Variants in KMT5B observed in about 807,000 individuals in gnomAD.
KMT5B encodes the protein lysine methyltransferase 5B, also known as histone-lysine N-methyltransferase KMT5B.
A neutral mutation model predicts 83.2 loss-of-function variants in KMT5B; 10 were observed. That is an observed-to-expected ratio of 0.12 (90% CI 0.07 to 0.20). The LOEUF is 0.20. Ranked by LOEUF, KMT5B falls within the 10% of genes least tolerant of loss-of-function variation. The pLI is 1.00. For missense variants in KMT5B, 753 were observed against 1,067.2 expected (o/e 0.71, Z 4.10); for synonymous variants, 349 against 388.8 (o/e 0.90, Z 1.20).
chr11:68,163,138 T>C (rs1855002259), intron 10 of KMT5B, among the ~76,000 whole-genome samples: 1 of 152,222 alleles, frequency 6.6e-6, no homozygotes, highest in South Asian at 2.1e-4. Context: ...CGTATGACTC[T>C]TCCCCTAGGG....
Position 68,157,640 on chromosome 11 carries a change from T to G in KMT5B, c.*48A>C. On this transcript the variant is annotated 3_prime_UTR_variant, in exon 11 of 11. Transcript: ENST00000304363. ...AGTTGAGGAATAATTGACTGGAATT[T>G]TTTATTTCTTTAAAGTAGTTATCCC... The G allele has an allele frequency of 2.0e-6, 3 of 1,492,746 alleles. No individual in the cohort carries two copies. Among genetic ancestry groups the G allele is most frequent in the Non-Finnish European group, 2.7e-6 (3 of 1,125,206 alleles). The allele number at this position is 1,492,746 out of a possible 1,614,324, so 92.5% of individuals were successfully genotyped here. A position where few individuals can be genotyped will look rare whatever the true frequency, so the allele number is the denominator to read the frequency against.
At position 68,156,547 on chromosome 11, in the gene KMT5B, A is replaced by T. The variant is rs1046832312; in HGVS notation, c.*1141T>A. 6.6e-6 allele frequency: 1 copy of T among 152,642 alleles called. No individual in the cohort carries two copies. The allele number at this position is 152,642 out of a possible 1,614,324, so 9.5% of individuals were successfully genotyped here. A position where few individuals can be genotyped will look rare whatever the true frequency, so the allele number is the denominator to read the frequency against. ...CCACTGATGCAGTGCTTAAAACTAT[A>T]TATTTATAATTTCCTATTTTATTGG... On this transcript the variant is annotated 3_prime_UTR_variant, in exon 11 of 11. Transcript: ENST00000304363.
chr11:68,159,822 G>C (rs1340280006), intron 10 of KMT5B, among the ~76,000 whole-genome samples: 1 of 152,240 alleles, frequency 6.6e-6, no homozygotes, highest in Non-Finnish European at 1.5e-5. Context: ...CAACCAGTGG[G>C]CTGTCAACTT....
chr11:68,159,021 T>A lies in KMT5B; in HGVS notation c.1325A>T (p.Lys442Met). The change falls in exon 11 of 11, where the codon AAG becomes ATG. Residue 442 changes from lysine (K) to methionine (M), a missense_variant. By Grantham distance (95) the Lys-to-Met change is moderately conservative. This residue lies in a region of KMT5B where 397 missense variants were observed against 395.9 expected (regional missense o/e 1.00). Coordinates refer to ENST00000304363, the MANE Select transcript of KMT5B (RefSeq NM_017635.5). Reference sequence around the variant, plus strand: ...TGAAAGTAAAGGCTTTGCAGGCTTCTTCAGTTTCTTTGGTACCCTGGAATT... The same window carrying A: ...TGAAAGTAAAGGCTTTGCAGGCTTCATCAGTTTCTTTGGTACCCTGGAATT... ...INNSRVPKKLKKPAKPLLSKI... is the reference protein window; with the variant it reads ...INNSRVPKKLMKPAKPLLSKI... 1 of 1,612,852 alleles carries A rather than the reference T, an allele frequency of 6.2e-7. No homozygotes were observed.
chr11:68,167,290 C>A, intron 9 of KMT5B, 112 bp from the exon 10 acceptor site: 3 of 1,316,732 alleles, frequency 2.3e-6, no homozygotes, highest in East Asian at 2.5e-5. Flanking sequence ...CTGCTGAGGC[C>A]TTAATCACCA....
At chr11:68,202,167 T>C (rs891415520) in intron 1 of KMT5B, among the ~76,000 whole-genome samples, 1 of 152,182 alleles carries the variant, frequency 6.6e-6, no homozygotes, top group Admixed American at 6.6e-5. Flanking sequence ...TAGTTATAAT[T>C]TGGTAAGAAA....
intron 3 of KMT5B, among the ~76,000 whole-genome samples, 180 bp downstream of exon 3, chr11:68,185,601 C>T (rs536780043): frequency 6.6e-6 from 1 of 152,238 alleles, no homozygotes; most frequent in Non-Finnish European, 1.5e-5. Context: ...AGAGTTAGAA[C>T]TGACAAGATT....
chr11:68,166,055 C>T, intron 10 of KMT5B: 1 of 1,567,666 alleles, frequency 6.4e-7, no homozygotes, highest in Non-Finnish European at 8.6e-7. Flanking sequence ...CAAGAAGTCT[C>T]ACTGGACATT....
rs902396132 is a variant in KMT5B at position 68,198,505 on chromosome 11, C to G, written c.-76-8353G>C. ...GACAAGACAAGACAAGACAGGGCGG[C>G]TAGCAAAGCCTAAATGCTTCATAGC... On this transcript the variant is annotated intron_variant, in intron 1 of 10. Transcript: ENST00000304363. Among the ~76,000 whole-genome samples, 20 of 151,742 alleles carry G rather than the reference C, an allele frequency of 1.3e-4. 1 individual carries two copies. Among genetic ancestry groups the G allele is most frequent in the African/African-American group, 4.6e-4 (19 of 41,192 alleles).
At chr11:68,176,861 T>C (rs751028276) in intron 4 of KMT5B, 3 of 152,078 alleles carry the variant, frequency 2.0e-5, no homozygotes, top group Non-Finnish European at 4.4e-5. Context: ...AGAAAAAATA[T>C]TAGTGGTTCA....
In KMT5B at chr11:68,158,803, T is replaced by C; in HGVS notation, c.1543A>G (p.Arg515Gly). 6.2e-7 allele frequency: 1 copy of C among 1,614,172 alleles called. No homozygotes were observed. Among genetic ancestry groups the C allele is most frequent in the East Asian group, 2.2e-5 (1 of 44,888 alleles). ...CTCACAGGATTCTGTCTGTGTTCTC[T>C]CGCCGCGTGTCTAGTCAAGCACCCG... ...ASGCLTRHAA[R>G]EHRQNPVRGA... The change falls in exon 11 of 11, where the codon AGA becomes GGA. Residue 515 changes from arginine to glycine, a missense_variant. By Grantham distance (125) the Arg-to-Gly change is moderately radical (BLOSUM62 -2). Transcript: ENST00000304363.
chr11:68,174,613 C>A (rs1856171748), intron 5 of KMT5B, among the ~76,000 whole-genome samples: 3 of 152,172 alleles, frequency 2.0e-5, no homozygotes, highest in African/African-American at 7.2e-5. Flanking sequence ...AGAGCAGCCT[C>A]TAACTCTTGG....
intron 1 of KMT5B, among the ~76,000 whole-genome samples, chr11:68,201,597 A>C (rs1005851782): frequency 1.3e-5 from 2 of 152,224 alleles, no homozygotes; most frequent in East Asian, 3.8e-4. Flanking sequence ...AAATCTGTCA[A>C]AAAAGTTAAA....
intron 1 of KMT5B, among the ~76,000 whole-genome samples, chr11:68,191,173 TTGTG>T (rs71040600): frequency 4.6e-4 from 64 of 139,274 alleles, no homozygotes; most frequent in African/African-American, 1.0e-3. Context: ...TTTTAAAACT[TTGTG>T]TGTGTGTGTG....
intron 10 of KMT5B, among the ~76,000 whole-genome samples, chr11:68,162,572 C>CATTTTT (rs1854960937): frequency 1.3e-5 from 2 of 152,194 alleles, no homozygotes; most frequent in African/African-American, 4.8e-5. Context: ...TTCTTATTTT[C>CATTTTT]ACCCGTTGGA....
rs1256742462 is a variant in KMT5B, at chr11:68,165,796, AT to A, written c.1174+1185del. ...CTAACTCTTGTTGTTCACTCTGGAC[AT>A]TAACGAAAAAGACTGGAATAGGGCT... On this transcript the variant is annotated intron_variant, in intron 10 of 10. Transcript: ENST00000304363. The A allele has an allele frequency of 4.4e-6, 7 of 1,574,334 alleles. No homozygotes were observed. The Admixed American group carries it at 1.3e-4, about 28-fold the overall frequency.
chr11:68,163,454 G>A (rs921447786), intron 10 of KMT5B, among the ~76,000 whole-genome samples: 7 of 152,158 alleles, frequency 4.6e-5, no homozygotes, highest in African/African-American at 1.7e-4. Context: ...TCAACTTACG[G>A]GTAAAGGCCC....
In KMT5B at chr11:68,158,728, G is replaced by T. The variant is rs769344868; in HGVS notation, c.1618C>A (p.Arg540=). 11 of 1,614,076 alleles carry T rather than the reference G, an allele frequency of 6.8e-6. No individual in the cohort carries two copies. Among genetic ancestry groups the T allele is most frequent in the African/African-American group, 1.3e-5 (1 of 75,004 alleles). ...ESSPCTYITR[R]SVRTRTNLKE... ...AGATTTGTTCTTGTCCTCACTGACC[G>T]CCGAGTTATGTAGGTGCAGGGCGAG... The change falls in exon 11 of 11, where the codon CGG becomes AGG. Residue 540 remains arginine (R), a synonymous_variant. Coordinates refer to ENST00000304363, the MANE Select transcript of KMT5B (RefSeq NM_017635.5).
intron 10 of KMT5B, chr11:68,166,006 A>G (rs1855287485): frequency 6.2e-7 from 1 of 1,612,238 alleles, no homozygotes; most frequent in South Asian, 1.1e-5. Flanking sequence ...TAGGGAGAAG[A>G]ACCTAAAATA....
Sources: allele counts gnomAD v4.1 joint callset (sites outside exome capture counted in the v4.1 genomes callset), GRCh38; gene constraint gnomAD v4.1.1; regional missense constraint gnomAD v4.1.1; transcripts MANE v1.5; gene names NCBI Gene and HGNC (gene_info 2026-07-23, HGNC 2026-07-21).